Variants in SBSPON observed in about 807,000 individuals in gnomAD.
SBSPON encodes the protein somatomedin B and thrombospondin type 1 domain containing, also known as somatomedin-B and thrombospondin type-1 domain-containing protein.
In SBSPON, 30 loss-of-function variants were observed where a neutral mutation model predicts 35.8. The ratio of observed to expected loss-of-function variants is 0.84; its 90% confidence interval spans 0.63 to 1.14. SBSPON has a LOEUF of 1.14. SBSPON is among the 50% of genes most tolerant of loss of function. The probability of loss-of-function intolerance (pLI) is 0.00; values close to 1 mark genes in which losing one functional copy is unlikely to be tolerated. For synonymous variants in SBSPON, 136 were observed against 135.9 expected (o/e 1.00, Z 0.00); for missense variants, 364 against 357.7 (o/e 1.02, Z -0.14).
intron 2 of SBSPON, among the ~76,000 whole-genome samples, chr8:73,072,079 G>C (rs1239026188): frequency 1.3e-5 from 2 of 152,138 alleles, no homozygotes; most frequent in East Asian, 3.9e-4. Context: ...GCAGGCCTTT[G>C]ACAAGCACAT....
In SBSPON at chr8:73,066,014, T is replaced by A. The variant is rs965456103; in HGVS notation, c.*1327A>T. The A allele has an allele frequency of 2.6e-5, 4 of 152,114 alleles. No homozygotes were observed. The highest frequency in any genetic ancestry group is 9.7e-5 in the African/African-American group (4 of 41,414). The allele number at this position is 152,114 out of a possible 1,614,324, so 9.4% of individuals were successfully genotyped here. A position where few individuals can be genotyped will look rare whatever the true frequency, so the allele number is the denominator to read the frequency against. ...ATATTGCTACTCTCGGTGTTATTAA[T>A]TATTGGGGAAATCTCCATCCTTATT... is the stretch of plus-strand genomic sequence containing the variant. On this transcript the variant is annotated 3_prime_UTR_variant, in exon 5 of 5. Coordinates refer to ENST00000297354, the MANE Select transcript of SBSPON (RefSeq NM_153225.4).
chr8:73,092,402 A>G (rs1810952437), intron 1 of SBSPON, among the ~76,000 whole-genome samples: 1 of 152,180 alleles, frequency 6.6e-6, no homozygotes, highest in Non-Finnish European at 1.5e-5. Context: ...GGAAGATTAC[A>G]CAATCCTGCC....
chr8:73,070,080 C>T (rs1007872639), intron 3 of SBSPON, 99 bp from the exon 4 acceptor site: 19 of 666,546 alleles, frequency 2.9e-5, no homozygotes, highest in Non-Finnish European at 4.6e-5. Context: ...GGCATTTGGC[C>T]GACTGGAGCA....
At chr8:73,089,471 G>C (rs984062798) in intron 1 of SBSPON, among the ~76,000 whole-genome samples, 1 of 151,722 alleles carries the variant, frequency 6.6e-6, no homozygotes, top group African/African-American at 2.4e-5. Context: ...CAGGAGAATC[G>C]CTTGAACCTG....
chr8:73,089,512 C>T (rs948131782), intron 1 of SBSPON, among the ~76,000 whole-genome samples: 1 of 150,272 alleles, frequency 6.7e-6, no homozygotes, highest in Non-Finnish European at 1.5e-5. Context: ...GCCAAGATCA[C>T]GCCAGTGTAC....
intron 1 of SBSPON, among the ~76,000 whole-genome samples, chr8:73,086,161 CT>C (rs1415839438): frequency 2.0e-5 from 3 of 151,930 alleles, no homozygotes; most frequent in Non-Finnish European, 4.4e-5. Flanking sequence ...TATCATCTCC[CT>C]TTTCTTTTTT....
chr8:73,081,319 T>C, intron 1 of SBSPON, 106 bp from the exon 2 acceptor site: 1 of 964,102 alleles, frequency 1.0e-6, no homozygotes, highest in Non-Finnish European at 1.5e-6. Context: ...AAACTTTGCC[T>C]GGCCCCAGGC....
In SBSPON at chr8:73,081,117, T is replaced by C. The variant is rs775808788; in HGVS notation, c.311A>G (p.Glu104Gly). The C allele has an allele frequency of 1.9e-6, 3 of 1,613,372 alleles. No homozygotes were observed. The East Asian group carries it at 6.7e-5, about 36-fold the overall frequency. Residue 104 changes from glutamate to glycine, a missense_variant, in exon 2 of 5, where the codon GAG (glutamate) becomes GGG (glycine). Physicochemically the swap from Glu to Gly is moderately conservative, Grantham distance 98. Coordinates refer to ENST00000297354, the MANE Select transcript of SBSPON (RefSeq NM_153225.4). ...TRVRRRSVQQ[E>G]PQNGGAPCPP... Reference sequence around the variant, plus strand: ...GCAGGGCGCCCCGCCGTTCTGAGGCTCCTGCTGCACCGAGCGCCTCCGCAC... The same window carrying C: ...GCAGGGCGCCCCGCCGTTCTGAGGCCCCTGCTGCACCGAGCGCCTCCGCAC...
chr8:73,075,221 G>A (rs1563487543), intron 2 of SBSPON, among the ~76,000 whole-genome samples: 1 of 152,094 alleles, frequency 6.6e-6, no homozygotes, highest in South Asian at 2.1e-4. Flanking sequence ...CATGCTCTTG[G>A]GATTAGGGTG....
chr8:73,065,328 CCTAT>C lies in SBSPON; in HGVS notation c.*2009_*2012del, dbSNP rs1258446432. On this transcript the variant is annotated 3_prime_UTR_variant, in exon 5 of 5. Transcript: ENST00000297354. ...TTTATTGCTATTAGTAGTTGTTGTA[CCTAT>C]ACCTATCAGTTCTGAAGGATTTTTT... is the stretch of plus-strand genomic sequence containing the variant. 1.3e-5 allele frequency: 2 copies of C among 152,120 alleles called. No individual in the cohort carries two copies. Among genetic ancestry groups the C allele is most frequent in the African/African-American group, 4.8e-5 (2 of 41,428 alleles). 9.4% of individuals were successfully genotyped at this position (152,120 alleles called of 1,614,324 possible).
At chr8:73,079,319 C>A (rs1288746735) in intron 2 of SBSPON, among the ~76,000 whole-genome samples, 4 of 152,094 alleles carry the variant, frequency 2.6e-5, no homozygotes, top group Admixed American at 2.6e-4. Flanking sequence ...TCCCTCTCCC[C>A]CAGGAGTTGC....
chr8:73,072,980 T>A (rs1465999400), intron 2 of SBSPON, among the ~76,000 whole-genome samples: 1 of 152,156 alleles, frequency 6.6e-6, no homozygotes, highest in Non-Finnish European at 1.5e-5. Context: ...TGTTTGTGTG[T>A]CTCCTCTCTA....
At chr8:73,078,805 C>T (rs1356219516) in intron 2 of SBSPON, among the ~76,000 whole-genome samples, 1 of 152,096 alleles carries the variant, frequency 6.6e-6, no homozygotes, top group African/African-American at 2.4e-5. Flanking sequence ...TTAATATGAC[C>T]ACCGTATCAA....
chr8:73,086,163 T>C (rs1037683764), intron 1 of SBSPON, among the ~76,000 whole-genome samples: 3 of 151,962 alleles, frequency 2.0e-5, no homozygotes, highest in Non-Finnish European at 2.9e-5. Context: ...TCATCTCCCT[T>C]TTCTTTTTTT....
At chr8:73,090,838 G>A (rs548230257) in intron 1 of SBSPON, among the ~76,000 whole-genome samples, 1 of 152,158 alleles carries the variant, frequency 6.6e-6, no homozygotes, top group Non-Finnish European at 1.5e-5. Flanking sequence ...AGCTTCACAA[G>A]ACAGCAGGCC....
intron 3 of SBSPON, 91 bp from the exon 4 acceptor site, chr8:73,070,072 C>T (rs1810464499): frequency 1.2e-5 from 9 of 734,922 alleles, no homozygotes; most frequent in Non-Finnish European, 2.0e-5. Context: ...CCTCCAAGGG[C>T]ATTTGGCCGA....
Position 73,081,211 on chromosome 8 carries a change from GA to G in SBSPON, c.216del (p.Arg73AlafsTer69). Reference sequence around the variant, plus strand: ...CTCCATTCCCCCACGAAGCACGGGCGAGCTGAAAAACAGCACAATAGGACGC... The same window carrying G: ...CTCCATTCCCCCACGAAGCACGGGCGGCTGAAAAACAGCACAATAGGACGC... Reference protein sequence around the residue: ...CCFDYDRACPARPCFVGEWSP... With the variant: ...CCFDYDRACPXRPCFVGEWSP... On this transcript the variant is annotated frameshift_variant and splice_region_variant, in exon 2 of 5. Transcript: ENST00000297354. LOFTEE classifies it high-confidence loss of function. The G allele has an allele frequency of 2.5e-6, 4 of 1,575,642 alleles. No individual in the cohort carries two copies. The highest frequency in any genetic ancestry group is 3.5e-6 in the Non-Finnish European group (4 of 1,159,208).
At chr8:73,090,885 C>T (rs1311767762) in intron 1 of SBSPON, among the ~76,000 whole-genome samples, 1 of 152,208 alleles carries the variant, frequency 6.6e-6, no homozygotes, top group Non-Finnish European at 1.5e-5. Context: ...TAAATCCCCA[C>T]TCCAAAACCA....
Position 73,081,078 on chromosome 8 carries a change from T to A in SBSPON, c.350A>T (p.Glu117Val). Residue 117 changes from glutamate (E) to valine (V), a missense_variant, in exon 2 of 5, where the codon GAG (glutamate) becomes GTG (valine). By Grantham distance (121) the Glu-to-Val change is moderately radical. Transcript: ENST00000297354. Reference sequence around the variant, plus strand: ...GGAGTACTCCAGGCAGCCAGCTCTCTCTTCCAGGGGTGGGCAGGGCGCCCC... The same window carrying A: ...GGAGTACTCCAGGCAGCCAGCTCTCACTTCCAGGGGTGGGCAGGGCGCCCC... ...NGGAPCPPLEERAGCLEYSTP... is the reference protein window; with the variant it reads ...NGGAPCPPLEVRAGCLEYSTP... The A allele has an allele frequency of 1.2e-6, 2 of 1,612,740 alleles. No homozygotes were observed. The highest frequency in any genetic ancestry group is 2.7e-5 in the African/African-American group (2 of 75,002).
Sources: allele counts gnomAD v4.1 joint callset (sites outside exome capture counted in the v4.1 genomes callset), GRCh38; gene constraint gnomAD v4.1.1; transcripts MANE v1.5; gene names NCBI Gene and HGNC (gene_info 2026-07-23, HGNC 2026-07-21).